Variants in TCAIM observed in about 807,000 individuals in gnomAD.
TCAIM encodes T cell activation inhibitor, mitochondrial.
In TCAIM, 36 loss-of-function variants were observed where a neutral mutation model predicts 58.6. That is an observed-to-expected ratio of 0.61 (90% CI 0.47 to 0.81). The LOEUF (loss-of-function observed/expected upper bound fraction) is 0.81, where lower values mean the gene tolerates loss of function less well. Ranked by LOEUF, TCAIM falls within the 30% of genes least tolerant of loss-of-function variation. The probability of loss-of-function intolerance (pLI) is 0.00; values close to 1 mark genes in which losing one functional copy is unlikely to be tolerated. For synonymous variants in TCAIM, 172 were observed against 193.6 expected (o/e 0.89, Z 0.93); for missense variants, 466 against 579.6 (o/e 0.80, Z 2.01).
At chr3:44,343,529 A>G (rs1367718614) in intron 1 of TCAIM, among the ~76,000 whole-genome samples, 6 of 152,218 alleles carry the variant, frequency 3.9e-5, no homozygotes, top group Non-Finnish European at 5.9e-5. Flanking sequence ...GATACTTTCC[A>G]TTGTTTGTAC....
At chr3:44,348,302 A>G (rs1042750479) in intron 1 of TCAIM, among the ~76,000 whole-genome samples, 2 of 152,262 alleles carry the variant, frequency 1.3e-5, no homozygotes, top group African/African-American at 4.8e-5. Context: ...AGCTGAGAAG[A>G]TCTGGGAAGG....
intron 5 of TCAIM, among the ~76,000 whole-genome samples, chr3:44,380,250 G>A (rs989305777): frequency 4.6e-5 from 7 of 152,064 alleles, no homozygotes; most frequent in African/African-American, 7.2e-5. Context: ...ATCATCAATC[G>A]TGTATTTCAG....
At chr3:44,340,525 C>A (rs1246899622) in intron 1 of TCAIM, 1 of 152,170 alleles carries the variant, frequency 6.6e-6, no homozygotes, top group African/African-American at 2.4e-5. Flanking sequence ...AGAACTAATT[C>A]AAGCAAAAAC....
intron 10 of TCAIM, among the ~76,000 whole-genome samples, chr3:44,401,640 T>G (rs1188132665): frequency 6.6e-6 from 1 of 152,226 alleles, no homozygotes; most frequent in Non-Finnish European, 1.5e-5. Context: ...ATTTCTTGAT[T>G]AACAGGAATC....
At chr3:44,397,891 A>AT (rs536725611) in intron 8 of TCAIM, among the ~76,000 whole-genome samples, 71 of 152,312 alleles carry the variant, frequency 4.7e-4, no homozygotes, top group Admixed American at 1.1e-3. Context: ...TGGTAGAAAT[A>AT]TTTGCAAACC....
chr3:44,398,395 A>T (rs1042249662), intron 8 of TCAIM, among the ~76,000 whole-genome samples: 8 of 152,038 alleles, frequency 5.3e-5, no homozygotes, highest in African/African-American at 1.7e-4. Flanking sequence ...GCGCCACTGC[A>T]TTCCAGCCTG....
chr3:44,372,064 A>G (rs78503764), intron 5 of TCAIM, among the ~76,000 whole-genome samples: 5,775 of 145,996 alleles, frequency 0.04, 164 homozygotes, highest in Admixed American at 0.08. Flanking sequence ...GAAGGAAGGA[A>G]GGAAGGAAGG....
intron 4 of TCAIM, among the ~76,000 whole-genome samples, chr3:44,364,170 G>A (rs763538510): frequency 2.0e-5 from 3 of 150,368 alleles, no homozygotes; most frequent in Non-Finnish European, 3.0e-5. Context: ...CCCGTGATCC[G>A]CCCACCTCAG....
chr3:44,355,955 G>C (rs73090419), intron 2 of TCAIM, among the ~76,000 whole-genome samples: 27,526 of 152,146 alleles, frequency 0.18, 2,746 homozygotes, highest in Middle Eastern at 0.29. Context: ...ACTTAGACTA[G>C]CTCATATTTA....
intron 8 of TCAIM, among the ~76,000 whole-genome samples, chr3:44,399,989 G>A (rs1701997026): frequency 6.6e-6 from 1 of 152,150 alleles, no homozygotes; most frequent in Admixed American, 6.5e-5. Flanking sequence ...AGACTGAGTT[G>A]AAATACATAC....
intron 5 of TCAIM, among the ~76,000 whole-genome samples, chr3:44,390,703 G>C (rs777468735): frequency 1.3e-5 from 2 of 152,170 alleles, no homozygotes; most frequent in Non-Finnish European, 2.9e-5. Context: ...AGGCATGGTG[G>C]CTCATGCCTA....
chr3:44,357,058 G>C (rs1028084981), intron 2 of TCAIM, among the ~76,000 whole-genome samples: 1 of 151,928 alleles, frequency 6.6e-6, no homozygotes, highest in Non-Finnish European at 1.5e-5. Context: ...TGAACTAAAA[G>C]ACATCTGTAT....
chr3:44,361,545 C>A, intron 4 of TCAIM, 27 bp downstream of exon 4: 1 of 1,544,518 alleles, frequency 6.5e-7, no homozygotes, highest in Non-Finnish European at 8.7e-7. Context: ...TGGTGTGTCC[C>A]TTGCAAGCTT....
chr3:44,400,595 T>C lies in TCAIM; in HGVS notation c.1118+8T>C, dbSNP rs1702008002. 1.2e-6 allele frequency: 2 copies of C among 1,601,528 alleles called. No individual in the cohort carries two copies. Among genetic ancestry groups the C allele is most frequent in the Non-Finnish European group, 1.7e-6 (2 of 1,169,406 alleles). ...ACAAATGATCCTTAACAGGTAAATA[T>C]CTAAGATAGAAGGATTACTTTTATT... On this transcript the variant is annotated splice_region_variant and intron_variant, in intron 9 of 10. Coordinates refer to ENST00000342649, the MANE Select transcript of TCAIM (RefSeq NM_173826.4).
intron 1 of TCAIM, among the ~76,000 whole-genome samples, chr3:44,344,172 C>T (rs1475634979): frequency 6.6e-6 from 1 of 151,964 alleles, no homozygotes; most frequent in Non-Finnish European, 1.5e-5. Context: ...TCACCACACT[C>T]AGCTAATTTT....
At chr3:44,388,626 CT>C (rs1417521140) in intron 5 of TCAIM, among the ~76,000 whole-genome samples, 1 of 152,004 alleles carries the variant, frequency 6.6e-6, no homozygotes, top group African/African-American at 2.4e-5. Context: ...TATAAATATC[CT>C]TTTACTCATT....
rs192453776 is a variant in TCAIM at position 44,406,810 on chromosome 3, C to T, written c.1251-632C>T. 2.2e-4 allele frequency among the ~76,000 whole-genome samples: 34 copies of T among 152,312 alleles called. No individual in the cohort carries two copies. The East Asian group carries it at 6.2e-3, about 28-fold the overall frequency. On this transcript the variant is annotated intron_variant, in intron 10 of 10. Coordinates refer to ENST00000342649, the MANE Select transcript of TCAIM (RefSeq NM_173826.4). ...CACATTGAATCCACTTATCAAAACACTGTATCCCTAAGCACTTGCCACCTG... is the reference window on the plus strand; with the variant it reads ...CACATTGAATCCACTTATCAAAACATTGTATCCCTAAGCACTTGCCACCTG...
chr3:44,381,562 A>T (rs1298688586), intron 5 of TCAIM, among the ~76,000 whole-genome samples: 1 of 152,186 alleles, frequency 6.6e-6, no homozygotes, highest in Non-Finnish European at 1.5e-5. Flanking sequence ...TTTTTCATGT[A>T]ACATAAGGAA....
chr3:44,405,321 C>A (rs1702083186), intron 10 of TCAIM, among the ~76,000 whole-genome samples: 2 of 152,106 alleles, frequency 1.3e-5, no homozygotes, highest in African/African-American at 4.8e-5. Flanking sequence ...TGGAAACAAT[C>A]AAAATGTACA....
Sources: allele counts gnomAD v4.1 joint callset (sites outside exome capture counted in the v4.1 genomes callset), GRCh38; gene constraint gnomAD v4.1.1; transcripts MANE v1.5; gene names NCBI Gene and HGNC (gene_info 2026-07-23, HGNC 2026-07-21).